The following NEGR1 variants were observed in gnomAD, a reference collection of about 807,000 sequenced individuals.
The protein encoded by NEGR1 is IgLON family member 4.
In NEGR1, 10 loss-of-function variants were observed where a neutral mutation model predicts 40.9. That is an observed-to-expected ratio of 0.24 (90% CI 0.15 to 0.42). NEGR1 has a LOEUF of 0.42. NEGR1 is among the 10% of genes least tolerant of loss of function. The pLI, the probability that NEGR1 is intolerant of heterozygous loss-of-function variation, is 1.00. For missense variants in NEGR1, 352 were observed against 438.9 expected, an observed-to-expected ratio of 0.80 and a Z score of 1.77; for synonymous variants, 185 against 166.8, an observed-to-expected ratio of 1.11 and a Z score of -0.84.
intron 1 of NEGR1, chr1:72,274,566 T>C: frequency 1.3e-6 from 1 of 762,260 alleles, no homozygotes; most frequent in Non-Finnish European, 2.4e-6. Context: ...AACTTTACAG[T>C]GAGTCTTTGG....
At chr1:71,584,298 G>A (rs143990050) in intron 6 of NEGR1, among the ~76,000 whole-genome samples, 2 of 152,194 alleles carry the variant, frequency 1.3e-5, no homozygotes, top group East Asian at 3.9e-4. Flanking sequence ...GAGAAAGAGT[G>A]GCCCACTGAA....
chr1:71,910,112 G>A (rs1486138242), intron 2 of NEGR1, among the ~76,000 whole-genome samples: 1 of 152,090 alleles, frequency 6.6e-6, no homozygotes, highest in Admixed American at 6.6e-5. Flanking sequence ...GACATTAAAA[G>A]TCAGCCAAGT....
At chr1:71,476,446 A>G (rs1646821428) in intron 6 of NEGR1, among the ~76,000 whole-genome samples, 1 of 152,110 alleles carries the variant, frequency 6.6e-6, no homozygotes, top group Non-Finnish European at 1.5e-5. Flanking sequence ...GGTAATCTTG[A>G]AGTCCTGGAG....
intron 2 of NEGR1, among the ~76,000 whole-genome samples, chr1:71,780,551 T>C (rs1044251668): frequency 6.6e-6 from 1 of 152,228 alleles, no homozygotes; most frequent in Non-Finnish European, 1.5e-5. Context: ...GGAAGCTTTC[T>C]AAGCAACAGA....
intron 1 of NEGR1, among the ~76,000 whole-genome samples, chr1:72,079,374 C>T (rs1307470922): frequency 6.6e-6 from 1 of 151,828 alleles, no homozygotes; most frequent in African/African-American, 2.4e-5. Context: ...AGAAATATAA[C>T]ACTTAAGTCG....
At chr1:71,593,467 A>G (rs1460287662) in intron 5 of NEGR1, among the ~76,000 whole-genome samples, 1 of 152,154 alleles carries the variant, frequency 6.6e-6, no homozygotes, top group African/African-American at 2.4e-5. Flanking sequence ...AGTCAACACC[A>G]CTTTACTCTT....
intron 6 of NEGR1, among the ~76,000 whole-genome samples, chr1:71,527,441 AT>A (rs1647231941): frequency 1.3e-5 from 2 of 150,978 alleles, no homozygotes; most frequent in South Asian, 2.1e-4. Flanking sequence ...CCATCCATCC[AT>A]CCATCCATGG....
chr1:72,131,156 T>C (rs1216707392), intron 1 of NEGR1, among the ~76,000 whole-genome samples: 1 of 152,192 alleles, frequency 6.6e-6, no homozygotes, highest in Non-Finnish European at 1.5e-5. Context: ...ATCAAGCTTA[T>C]GGATAAGATT....
intron 1 of NEGR1, among the ~76,000 whole-genome samples, chr1:72,240,004 T>C (rs1401934305): frequency 1.3e-5 from 2 of 151,862 alleles, no homozygotes; most frequent in African/African-American, 4.8e-5. Flanking sequence ...GTAATCATAC[T>C]CTGAACAAGG....
At position 71,869,744 on chromosome 1, in the gene NEGR1, A is replaced by G. The variant is rs1045332340; in HGVS notation, c.409+65335T>C. Among the ~76,000 whole-genome samples the G allele has an allele frequency of 9.4e-4, 143 of 152,174 alleles. 1 individual carries two copies. Among genetic ancestry groups the G allele is most frequent in the African/African-American group, 3.4e-3 (141 of 41,440 alleles). On this transcript the variant is annotated intron_variant, in intron 2 of 6. Transcript: ENST00000357731. ...AAAATAATTGCTCTAAAGAATAATTATTATTTTGACTTCTTATTTTTCACT... is the reference window on the plus strand; with the variant it reads ...AAAATAATTGCTCTAAAGAATAATTGTTATTTTGACTTCTTATTTTTCACT...
At chr1:71,523,082 G>C (rs1000111485) in intron 6 of NEGR1, among the ~76,000 whole-genome samples, 5 of 151,906 alleles carry the variant, frequency 3.3e-5, no homozygotes, top group African/African-American at 1.2e-4. Context: ...TTCACCTCAG[G>C]AAGAAAACTG....
intron 1 of NEGR1, among the ~76,000 whole-genome samples, chr1:72,209,613 G>A (rs1423499322): frequency 6.6e-6 from 1 of 151,672 alleles, no homozygotes; most frequent in African/African-American, 2.4e-5. Flanking sequence ...TTTTATTTTT[G>A]TACTACCGAT....
At chr1:71,772,825 A>T (rs1298737586) in intron 3 of NEGR1, among the ~76,000 whole-genome samples, 1 of 152,194 alleles carries the variant, frequency 6.6e-6, no homozygotes, top group Non-Finnish European at 1.5e-5. Context: ...CCACAGAGAA[A>T]TTGATGAAGC....
intron 2 of NEGR1, among the ~76,000 whole-genome samples, chr1:71,778,990 C>G (rs1056358260): frequency 6.6e-6 from 1 of 151,952 alleles, no homozygotes; most frequent in Non-Finnish European, 1.5e-5. Context: ...CCAGGTGTGA[C>G]ATGTCATTCT....
At chr1:71,691,425 G>A (rs1171372161) in intron 4 of NEGR1, among the ~76,000 whole-genome samples, 3 of 151,254 alleles carry the variant, frequency 2.0e-5, no homozygotes, top group East Asian at 1.9e-4. Context: ...AATATTTAAT[G>A]TTCAGTTCTT....
intron 5 of NEGR1, among the ~76,000 whole-genome samples, chr1:71,598,814 C>T (rs915144584): frequency 2.6e-5 from 4 of 152,180 alleles, no homozygotes; most frequent in African/African-American, 4.8e-5. Flanking sequence ...CTGTATTCTG[C>T]TTGGCTTGGC....
chr1:71,784,670 C>T (rs564416026), intron 2 of NEGR1, among the ~76,000 whole-genome samples: 1 of 152,154 alleles, frequency 6.6e-6, no homozygotes, highest in Non-Finnish European at 1.5e-5. Flanking sequence ...AAATTACTTT[C>T]TTCTATTTTC....
At chr1:72,090,776 T>C (rs1410366099) in intron 1 of NEGR1, among the ~76,000 whole-genome samples, 1 of 152,168 alleles carries the variant, frequency 6.6e-6, no homozygotes, top group Admixed American at 6.6e-5. Flanking sequence ...GCTTGTTTTC[T>C]CCCTGGGTAA....
chr1:71,754,846 T>C (rs1484119229), intron 3 of NEGR1, among the ~76,000 whole-genome samples: 1 of 152,222 alleles, frequency 6.6e-6, no homozygotes, highest in Non-Finnish European at 1.5e-5. Context: ...TTCACTCTTC[T>C]AGGTCTTCAT....
Sources: gnomAD v4.1 joint callset for allele counts (sites outside exome capture counted in the v4.1 genomes callset) on GRCh38, gnomAD v4.1.1 for gene constraint, MANE v1.5 for transcripts, NCBI Gene and HGNC (gene_info 2026-07-23, HGNC 2026-07-21) for gene names.